DGCR8: variants seen among roughly 807,000 people sequenced by gnomAD.
DGCR8 encodes the protein microprocessor complex subunit DGCR8.
In DGCR8, 14 loss-of-function variants were observed where a neutral mutation model predicts 78.5. The observed-to-expected ratio is 0.18, with a 90% CI of 0.12 to 0.28. DGCR8 has a LOEUF of 0.28. DGCR8 is among the 10% of genes least tolerant of loss of function. The pLI is 1.00. For missense variants in DGCR8, 702 were observed against 1,022.5 expected (o/e 0.69, Z 4.28); for synonymous variants, 399 against 402.4 (o/e 0.99, Z 0.10).
In DGCR8 at chr22:20,092,852, T is replaced by C. The variant is rs1226445187; in HGVS notation, c.1650T>C (p.Gly550=). The C allele has an allele frequency of 1.9e-6, 3 of 1,613,846 alleles. No individual in the cohort carries two copies. Among genetic ancestry groups the C allele is most frequent in the Middle Eastern group, 1.7e-4 (1 of 6,060 alleles). ...EPFGASVTID[G]VTYGSGTASS... ...TTGGTGCCTCGGTGACCATTGATGG[T>C]GTGACTTACGGATCTGGAACTGCAA... Residue 550 remains glycine, a synonymous_variant, in exon 8 of 14, where the codon GGT becomes GGC. Transcript: ENST00000351989.
chr22:20,092,988 G>A, intron 8 of DGCR8, 81 bp downstream of exon 8: 3 of 1,006,900 alleles, frequency 3.0e-6, no homozygotes, highest in Non-Finnish European at 4.5e-6. Context: ...GGGCTGAGCA[G>A]TGGTGACAAG....
rs369079443 is a variant in DGCR8 at position 20,093,906 on chromosome 22, G to A, written c.1706-807G>A. On this transcript the variant is annotated intron_variant, in intron 8 of 13. Transcript: ENST00000351989. ...CCCTCGCACCCACAGGTTGATTCTC[G>A]AGGTATCTGTCATTGCCGTGTGTTT... Among the ~76,000 whole-genome samples the A allele has an allele frequency of 2.9e-4, 44 of 152,308 alleles. 1 individual carries two copies. The highest frequency in any genetic ancestry group is 1.0e-3 in the African/African-American group (43 of 41,564).
intron 1 of DGCR8, among the ~76,000 whole-genome samples, chr22:20,083,862 G>C (rs1304615313): frequency 6.6e-6 from 1 of 152,176 alleles, no homozygotes; most frequent in East Asian, 1.9e-4. Flanking sequence ...ATGCCTGCCT[G>C]GTTGCTGCCC....
Position 20,106,159 on chromosome 22 carries a change from C to T in DGCR8, c.1789-18C>T, listed in dbSNP as rs773615906. 17 of 1,612,142 alleles carry T rather than the reference C, an allele frequency of 1.1e-5. No homozygotes were observed. In the East Asian group the frequency reaches 3.3e-4, roughly 32 times the overall value. ...GTGGGCCTGGTGGGGACTCACAAGC[C>T]TCTGCTTTGTGTTGTAGTATTTTAA... On this transcript the variant is annotated intron_variant, in intron 9 of 13. Transcript: ENST00000351989.
At chr22:20,092,938 G>A (rs1358563966) in intron 8 of DGCR8, 31 bp downstream of exon 8, 27 of 1,569,556 alleles carry the variant, frequency 1.7e-5, no homozygotes, top group Non-Finnish European at 2.2e-5. Flanking sequence ...TCAAAGATAC[G>A]TGCTGCCTGC....
At chr22:20,093,782 C>G (rs2049594656) in intron 8 of DGCR8, among the ~76,000 whole-genome samples, 1 of 152,238 alleles carries the variant, frequency 6.6e-6, no homozygotes, top group African/African-American at 2.4e-5. Flanking sequence ...CATTCATGCC[C>G]TGCATTCGTG....
Position 20,087,304 on chromosome 22 carries a change from T to G in DGCR8, c.863T>G (p.Ile288Ser). ...ETSVQPMMTK[I>S]KTVLKSRGRP... ...AGTGTGCAGCCGATGATGACCAAGA[T>G]TAAAACAGTGCTCAAAAGTACGTGT... Residue 288 changes from isoleucine to serine, a missense_variant, in exon 3 of 14, where the codon ATT becomes AGT. Coordinates refer to ENST00000351989, the MANE Select transcript of DGCR8 (RefSeq NM_022720.7). This position sits in a 1 kb window ranked among gnomAD's most constrained non-coding sequence, Gnocchi z 4.1. The G allele has an allele frequency of 6.2e-7, 1 of 1,610,064 alleles. No individual in the cohort carries two copies. Among genetic ancestry groups the G allele is most frequent in the Non-Finnish European group, 8.5e-7 (1 of 1,177,076 alleles).
At chr22:20,097,015 TC>T (rs1003581595) in intron 9 of DGCR8, among the ~76,000 whole-genome samples, 1 of 152,230 alleles carries the variant, frequency 6.6e-6, no homozygotes, top group African/African-American at 2.4e-5. Context: ...CTGGGATATA[TC>T]CCACTTGGTC....
rs768213863 is a variant in DGCR8, at chr22:20,089,577, A to G, written c.881-92A>G. 4.2e-6 allele frequency: 6 copies of G among 1,414,130 alleles called. No individual in the cohort carries two copies. Among genetic ancestry groups the G allele is most frequent in the Non-Finnish European group, 5.9e-6 (6 of 1,017,416 alleles). 87.6% of individuals were successfully genotyped at this position (1,414,130 alleles called of 1,614,324 possible). A position where few individuals can be genotyped will look rare whatever the true frequency, so the allele number is the denominator to read the frequency against. Reference sequence around the variant, plus strand: ...GTGAAGACCCAGTTAAACACATGCTAGTACCCAACAATTTCTTGTGCAGGA... The same window carrying G: ...GTGAAGACCCAGTTAAACACATGCTGGTACCCAACAATTTCTTGTGCAGGA... On this transcript the variant is annotated intron_variant, in intron 3 of 13. Coordinates refer to ENST00000351989, the MANE Select transcript of DGCR8 (RefSeq NM_022720.7). This position sits in a 1 kb window ranked among gnomAD's most constrained non-coding sequence, Gnocchi z 4.9.
rs937719929 is a variant in DGCR8, at chr22:20,111,333, A to C, written c.*1225A>C. 4.5e-5 allele frequency: 18 copies of C among 395,872 alleles called. No individual in the cohort carries two copies. The highest frequency in any genetic ancestry group is 7.5e-5 in the Non-Finnish European group (17 of 225,804). 24.5% of individuals were successfully genotyped at this position (395,872 alleles called of 1,614,324 possible). A position where few individuals can be genotyped will look rare whatever the true frequency, so the allele number is the denominator to read the frequency against. On this transcript the variant is annotated 3_prime_UTR_variant, in exon 14 of 14. Transcript: ENST00000351989. ...CAGCGTTCTGCCGTGTCTGTCCCCC[A>C]CCATGCCCCCTACAGGCGGTACTGA...
At chr22:20,088,940 G>A (rs1386602881) in intron 3 of DGCR8, among the ~76,000 whole-genome samples, 1 of 152,152 alleles carries the variant, frequency 6.6e-6, no homozygotes, top group Non-Finnish European at 1.5e-5. Flanking sequence ...ATGCCACCAT[G>A]CCTGGATAAT....
chr22:20,095,410 A>C (rs1234702820), intron 9 of DGCR8, among the ~76,000 whole-genome samples: 1 of 152,044 alleles, frequency 6.6e-6, no homozygotes, highest in African/African-American at 2.4e-5. Context: ...CCGGCCCTAG[A>C]TTGTTCTTTA....
chr22:20,098,185 T>C (rs1445702076), intron 9 of DGCR8, among the ~76,000 whole-genome samples: 1 of 151,550 alleles, frequency 6.6e-6, no homozygotes, highest in African/African-American at 2.4e-5. Flanking sequence ...GAGATGGGGT[T>C]TCACCATATT....
At chr22:20,100,269 G>T in intron 9 of DGCR8, 1 of 796,970 alleles carries the variant, frequency 1.3e-6, no homozygotes, top group Non-Finnish European at 1.5e-6. Flanking sequence ...GTTTCACCGT[G>T]TTGGCCAGGA....
intron 9 of DGCR8, chr22:20,101,348 G>A (rs961455483): frequency 2.6e-5 from 24 of 921,428 alleles, no homozygotes; most frequent in African/African-American, 1.6e-4. Flanking sequence ...AGGCCGAGGC[G>A]GGCAGATTAC....
At position 20,093,029 on chromosome 22, in the gene DGCR8, A is replaced by G. The variant is rs182149929; in HGVS notation, c.1705+122A>G. The G allele has an allele frequency of 7.7e-6, 5 of 647,676 alleles. No individual in the cohort carries two copies. The East Asian group carries it at 8.5e-5, about 11-fold the overall frequency. 40.1% of individuals were successfully genotyped at this position (647,676 alleles called of 1,614,324 possible). On this transcript the variant is annotated intron_variant, in intron 8 of 13. Coordinates refer to ENST00000351989, the MANE Select transcript of DGCR8 (RefSeq NM_022720.7). ...GATGTGGGTGGGGCATGTTTATTTTATTTATGTAATCATCTACTTTGATTT... is the reference window on the plus strand; with the variant it reads ...GATGTGGGTGGGGCATGTTTATTTTGTTTATGTAATCATCTACTTTGATTT...
chr22:20,101,813 A>G, intron 9 of DGCR8: 1 of 985,166 alleles, frequency 1.0e-6, no homozygotes, highest in Non-Finnish European at 1.2e-6. Flanking sequence ...CTGTCCTTGG[A>G]CTGTCCCCTG....
intron 9 of DGCR8, among the ~76,000 whole-genome samples, chr22:20,097,113 A>G (rs191589144): frequency 6.6e-5 from 10 of 152,276 alleles, no homozygotes; most frequent in Admixed American, 5.9e-4. Context: ...GTTATAAGCA[A>G]TATTGATCTG....
intron 10 of DGCR8, 50 bp from the exon 11 acceptor site, chr22:20,106,542 C>T (rs1351750667): frequency 1.4e-6 from 2 of 1,386,482 alleles, no homozygotes; most frequent in Non-Finnish European, 2.1e-6. Context: ...TCAGAGGCAG[C>T]TGGCTGCTCT....
Sources: gnomAD v4.1 joint callset for allele counts (sites outside exome capture counted in the v4.1 genomes callset) on GRCh38, gnomAD v4.1.1 for gene constraint, Gnocchi (gnomAD v3.1) non-coding constraint, MANE v1.5 for transcripts, NCBI Gene and HGNC (gene_info 2026-07-23, HGNC 2026-07-21) for gene names.